Variants in ZFAT observed in about 807,000 individuals in gnomAD.
ZFAT encodes zinc finger and AT-hook domain containing.
ZFAT carries 64 observed loss-of-function variants against 117.7 expected under a neutral mutation model. The ratio of observed to expected loss-of-function variants is 0.54; its 90% CI spans 0.44 to 0.67. The LOEUF is 0.67. Among genes scored for constraint, ZFAT ranks in the 30% least tolerant of loss-of-function variants. ZFAT has a pLI of 0.00. For synonymous variants in ZFAT, 679 were observed against 615.0 expected (o/e 1.10, Z -1.54); for missense variants, 1,433 against 1,584.5 (o/e 0.90, Z 1.62).
At chr8:134,781,240 C>T in the ZFAT span, among the ~76,000 whole-genome samples, 1 of 152,130 alleles carries the variant, frequency 6.6e-6, no homozygotes, top group African/African-American at 2.4e-5. Context: ...ATCTTCCCAC[C>T]TCAGCCTCCA....
At chr8:134,680,210 C>T (rs1312846872) in intron 1 of ZFAT, among the ~76,000 whole-genome samples, 2 of 143,872 alleles carry the variant, frequency 1.4e-5, no homozygotes, top group Non-Finnish European at 3.0e-5. Context: ...TGCAGTGAGC[C>T]ATGATCGCAC....
chr8:134,525,762 G>A (rs753332026), intron 12 of ZFAT, among the ~76,000 whole-genome samples: 3 of 152,192 alleles, frequency 2.0e-5, no homozygotes, highest in Non-Finnish European at 4.4e-5. Context: ...GGAGGGCACC[G>A]AGGCAGAAGG....
rs397975242 is a variant in ZFAT, at chr8:134,705,390, T to TC, written c.19+7454_19+7455insG. 2.1e-4 allele frequency among the ~76,000 whole-genome samples: 32 copies of TC among 150,710 alleles called. 1 individual carries two copies. The South Asian group carries it at 3.2e-3, about 15-fold the overall frequency. ...TGGTTTTTTTTTGTTTTTTTTTTTT[T>TC]GTAGAGCTGGGATCTCACTATGTTG... On this transcript the variant is annotated intron_variant, in intron 1 of 15. Coordinates refer to ENST00000377838, the MANE Select transcript of ZFAT (RefSeq NM_020863.4).
chr8:134,673,216 A>G (rs1244530372), intron 1 of ZFAT: 1 of 152,260 alleles, frequency 6.6e-6, no homozygotes, highest in Non-Finnish European at 1.5e-5. Flanking sequence ...AGTCACTCCA[A>G]CAATAGCATA....
the ZFAT span, among the ~76,000 whole-genome samples, chr8:134,800,353 T>A: frequency 1.3e-5 from 2 of 152,310 alleles, no homozygotes; most frequent in East Asian, 3.9e-4. Flanking sequence ...TCTGCAAACA[T>A]ATTCAAGTAG....
chr8:134,603,285 A>G (rs68151903), intron 5 of ZFAT, among the ~76,000 whole-genome samples: 45,623 of 152,042 alleles, frequency 0.3, 7,129 homozygotes, highest in East Asian at 0.54. Flanking sequence ...CTGGGCTTCA[A>G]GAAAAGGAAA....
At chr8:134,652,991 C>T (rs959668749) in intron 2 of ZFAT, among the ~76,000 whole-genome samples, 10 of 151,540 alleles carry the variant, frequency 6.6e-5, no homozygotes, top group African/African-American at 2.2e-4. Flanking sequence ...TATAATAGCA[C>T]AAAATTAGAG....
At chr8:134,780,292 A>G in the ZFAT span, among the ~76,000 whole-genome samples, 5 of 152,132 alleles carry the variant, frequency 3.3e-5, no homozygotes, top group Non-Finnish European at 7.4e-5. Context: ...GAATGTTCTA[A>G]TCTTCCAAGA....
the ZFAT span, among the ~76,000 whole-genome samples, chr8:134,771,625 C>T: frequency 6.6e-6 from 1 of 152,220 alleles, no homozygotes; most frequent in Non-Finnish European, 1.5e-5. Flanking sequence ...AAGTTCCAAA[C>T]TTTCCCACAT....
chr8:134,639,273 A>G (rs1830448449), intron 2 of ZFAT, among the ~76,000 whole-genome samples: 1 of 152,196 alleles, frequency 6.6e-6, no homozygotes, highest in African/African-American at 2.4e-5. Context: ...CCTCAGGGAA[A>G]CCTGGCACCA....
Position 134,478,671 on chromosome 8 carries a change from C to A in ZFAT, c.3543G>T (p.Thr1181=). The part of the protein sequence containing the change: ...SSNHTVMIQE[T]VQQASVELAE... ...CAAGCTCCACGGACGCTTGCTGGAC[C>A]GTCTCCTGGATCATGACCGTGTGGT... The change falls in exon 16 of 16, where the codon ACG becomes ACT. Residue 1181 remains threonine, a synonymous_variant. Coordinates refer to ENST00000377838, the MANE Select transcript of ZFAT (RefSeq NM_020863.4). The surrounding 1 kb of genome is among the most constrained non-coding windows in gnomAD (Gnocchi z 5.2). The A allele has an allele frequency of 6.3e-7, 1 of 1,581,824 alleles. No homozygotes were observed.
intron 15 of ZFAT, among the ~76,000 whole-genome samples, chr8:134,500,712 A>G (rs534107444): frequency 6.6e-6 from 1 of 152,336 alleles, no homozygotes; most frequent in East Asian, 1.9e-4. Flanking sequence ...AAAGGTTCAA[A>G]CAACCACAGG....
At chr8:134,794,288 A>T in the ZFAT span, 1 of 152,264 alleles carries the variant, frequency 6.6e-6, no homozygotes, top group Non-Finnish European at 1.5e-5. Flanking sequence ...GAAAAGACTG[A>T]GAAACAAGTA....
intron 13 of ZFAT, among the ~76,000 whole-genome samples, chr8:134,513,303 T>C (rs1819999641): frequency 6.6e-6 from 1 of 151,780 alleles, no homozygotes; most frequent in Non-Finnish European, 1.5e-5. Flanking sequence ...GTTCAAGCGA[T>C]TCTCCTGCCT....
chr8:134,608,410 C>G (rs1307641612), intron 5 of ZFAT, among the ~76,000 whole-genome samples: 1 of 152,138 alleles, frequency 6.6e-6, no homozygotes, highest in Non-Finnish European at 1.5e-5. Flanking sequence ...ATGTCTAAAA[C>G]TTTACTTAAG....
intron 10 of ZFAT, among the ~76,000 whole-genome samples, chr8:134,572,225 G>T (rs778522519): frequency 6.6e-6 from 1 of 152,126 alleles, no homozygotes; most frequent in East Asian, 1.9e-4. Flanking sequence ...CAACTATACA[G>T]CCATTCCATA....
In ZFAT at chr8:134,512,614, A is replaced by C; in HGVS notation, c.3235-13T>G. ...CTTCTGTTGCTGTCTAAATAAAAAC[A>C]TAGTACCTAAGTCATCTCCTAAAAG... On this transcript the variant is annotated splice_polypyrimidine_tract_variant and intron_variant, in intron 13 of 15. Transcript: ENST00000377838. 6.2e-7 allele frequency: 1 copy of C among 1,611,898 alleles called. No individual in the cohort carries two copies. Among genetic ancestry groups the C allele is most frequent in the Non-Finnish European group, 8.5e-7 (1 of 1,179,306 alleles).
At chr8:134,576,345 C>T (rs1206933362) in intron 10 of ZFAT, among the ~76,000 whole-genome samples, 2 of 152,048 alleles carry the variant, frequency 1.3e-5, no homozygotes, top group African/African-American at 4.8e-5. Flanking sequence ...ATTTGTGGGC[C>T]CTGAAATTAG....
At chr8:134,822,170 T>G in the ZFAT span, among the ~76,000 whole-genome samples, 2 of 152,096 alleles carry the variant, frequency 1.3e-5, no homozygotes, top group South Asian at 4.1e-4. Context: ...AGAAAAAAAT[T>G]TGTTAATATT....
Sources: allele counts gnomAD v4.1 joint callset (sites outside exome capture counted in the v4.1 genomes callset), GRCh38; gene constraint gnomAD v4.1.1; non-coding constraint Gnocchi (gnomAD v3.1); transcripts MANE v1.5; gene names NCBI Gene and HGNC (gene_info 2026-07-23, HGNC 2026-07-21).